Variants in ZBTB46 observed in about 807,000 individuals in gnomAD.
The protein encoded by ZBTB46 is zinc finger and BTB domain containing 46.
A neutral mutation model predicts 44.1 loss-of-function variants in ZBTB46; 8 were observed. The ratio of observed to expected loss-of-function variants is 0.18; its 90% CI spans 0.11 to 0.33. ZBTB46 has a LOEUF of 0.33. Ranked by LOEUF, ZBTB46 falls within the 10% of genes least tolerant of loss-of-function variation. The pLI, the probability that ZBTB46 is intolerant of heterozygous loss-of-function variation, is 1.00. For missense variants in ZBTB46, 651 were observed against 847.7 expected (o/e 0.77, Z 2.88); for synonymous variants, 409 against 382.3 (o/e 1.07, Z -0.81).
At chr20:63,817,338 G>A (rs1408696552) in intron 1 of ZBTB46, among the ~76,000 whole-genome samples, 1 of 152,098 alleles carries the variant, frequency 6.6e-6, no homozygotes, top group African/African-American at 2.4e-5. Flanking sequence ...CTGGGAGAAG[G>A]AGGCTACAGT....
At chr20:63,786,471 T>TA (rs2092515221) in intron 2 of ZBTB46, among the ~76,000 whole-genome samples, 1 of 152,176 alleles carries the variant, frequency 6.6e-6, no homozygotes, top group Non-Finnish European at 1.5e-5. Flanking sequence ...GAGGCTGAGT[T>TA]AAACCAACTG....
chr20:63,810,380 C>A (rs538982378), intron 1 of ZBTB46, among the ~76,000 whole-genome samples: 1 of 152,220 alleles, frequency 6.6e-6, no homozygotes, highest in Non-Finnish European at 1.5e-5. Flanking sequence ...AACAGAAAGC[C>A]CAGCTGGTCG....
upstream of ZBTB46, among the ~76,000 whole-genome samples, chr20:63,833,691 C>T (rs576313106): frequency 6.6e-6 from 1 of 152,332 alleles, no homozygotes; most frequent in East Asian, 1.9e-4. Context: ...CCCCGCTTCC[C>T]CCTCGGCAAC....
chr20:63,823,527 T>A (rs975497456), intron 1 of ZBTB46, among the ~76,000 whole-genome samples: 1 of 137,548 alleles, frequency 7.3e-6, no homozygotes. Flanking sequence ...TAAGATAAAA[T>A]AAAAATAAAA....
chr20:63,782,941 A>C (rs1431683977), intron 2 of ZBTB46, among the ~76,000 whole-genome samples: 1 of 150,610 alleles, frequency 6.6e-6, no homozygotes, highest in African/African-American at 2.5e-5. Context: ...GTCTCCCGTC[A>C]TAGTGAGATC....
At chr20:63,747,564 C>T (rs1159485243) in intron 4 of ZBTB46, among the ~76,000 whole-genome samples, 12 of 31,158 alleles carry the variant, frequency 3.9e-4, no homozygotes, top group Admixed American at 1.9e-3. Flanking sequence ...GAGCAGGGCC[C>T]GGTTGGGGTT....
chr20:63,818,416 C>T (rs754918137), intron 1 of ZBTB46, among the ~76,000 whole-genome samples: 7 of 152,332 alleles, frequency 4.6e-5, no homozygotes, highest in East Asian at 3.9e-4. Flanking sequence ...AGTGCCGCCC[C>T]GCAGTCAGTT....
intron 1 of ZBTB46, among the ~76,000 whole-genome samples, chr20:63,808,791 G>C (rs1424374634): frequency 6.6e-6 from 1 of 151,880 alleles, no homozygotes; most frequent in Non-Finnish European, 1.5e-5. Context: ...TGGCTAACAT[G>C]GTGAAACCCC....
intron 1 of ZBTB46, among the ~76,000 whole-genome samples, chr20:63,798,396 C>A (rs544366680): frequency 6.6e-6 from 1 of 151,782 alleles, no homozygotes; most frequent in African/African-American, 2.4e-5. Flanking sequence ...GGGCGTTGGC[C>A]GCGCGTGGTG....
intron 3 of ZBTB46, among the ~76,000 whole-genome samples, chr20:63,763,896 T>C (rs536294906): frequency 6.6e-5 from 10 of 152,294 alleles, no homozygotes; most frequent in Admixed American, 2.0e-4. Context: ...CAAATTATAA[T>C]TGTTGCTTTA....
intron 4 of ZBTB46, among the ~76,000 whole-genome samples, chr20:63,749,429 C>T (rs1044571113): frequency 9.2e-5 from 14 of 152,200 alleles, no homozygotes; most frequent in Admixed American, 5.2e-4. Flanking sequence ...CTCCGCCTCC[C>T]GGGTTCATAC....
At chr20:63,757,651 T>C (rs976601488) in intron 3 of ZBTB46, among the ~76,000 whole-genome samples, 1 of 152,152 alleles carries the variant, frequency 6.6e-6, no homozygotes, top group Non-Finnish European at 1.5e-5. Context: ...CAAGATCACC[T>C]TAGCCATGTG....
upstream of ZBTB46, among the ~76,000 whole-genome samples, chr20:63,832,783 C>G (rs913257219): frequency 2.6e-5 from 4 of 152,160 alleles, no homozygotes. The surrounding 1 kb of genome is among the most constrained non-coding windows in gnomAD (Gnocchi z 5.0). Flanking sequence ...CCAGCCTCAC[C>G]GACCTTCGGG....
intron 1 of ZBTB46, among the ~76,000 whole-genome samples, chr20:63,825,703 C>A (rs769419133): frequency 2.3e-4 from 35 of 152,232 alleles, no homozygotes; most frequent in Non-Finnish European, 3.5e-4. Flanking sequence ...AACAACCAGG[C>A]CTTCGAGTTT....
At chr20:63,747,565 G>A (rs1253591853) in intron 4 of ZBTB46, among the ~76,000 whole-genome samples, 4 of 137,466 alleles carry the variant, frequency 2.9e-5, no homozygotes, top group Admixed American at 7.2e-5. Flanking sequence ...AGCAGGGCCC[G>A]GTTGGGGTTG....
chr20:63,769,072 T>C (rs991223456), intron 3 of ZBTB46, among the ~76,000 whole-genome samples: 4 of 152,232 alleles, frequency 2.6e-5, no homozygotes, highest in Admixed American at 1.3e-4. Context: ...TCTCTGTACC[T>C]GGCTGAGTTG....
chr20:63,770,625 A>G (rs1447791754), intron 3 of ZBTB46, among the ~76,000 whole-genome samples: 1 of 152,226 alleles, frequency 6.6e-6, no homozygotes, highest in Non-Finnish European at 1.5e-5. Context: ...TGCTGCCTGC[A>G]TATTTAATGG....
chr20:63,776,986 G>A (rs76792760), intron 2 of ZBTB46, among the ~76,000 whole-genome samples: 2,232 of 151,514 alleles, frequency 0.015, 69 homozygotes, highest in African/African-American at 0.051. Flanking sequence ...AACACAACAC[G>A]ATTCCACCAC....
chr20:63,789,336 G>C (rs73143532), intron 2 of ZBTB46, among the ~76,000 whole-genome samples: 6,707 of 152,182 alleles, frequency 0.044, 265 homozygotes, highest in Non-Finnish European at 0.054. Context: ...ATTCACTATA[G>C]CAACAGTGAC....
Sources: allele counts gnomAD v4.1 joint callset (sites outside exome capture counted in the v4.1 genomes callset), GRCh38; gene constraint gnomAD v4.1.1; non-coding constraint Gnocchi (gnomAD v3.1); transcripts MANE v1.5; gene names NCBI Gene and HGNC (gene_info 2026-07-23, HGNC 2026-07-21).